Variants in CCM2L observed in about 807,000 individuals in gnomAD.
CCM2L encodes CCM2 like scaffold protein, also known as cerebral cavernous malformations 2 protein-like.
A neutral mutation model predicts 54.1 loss-of-function variants in CCM2L; 36 were observed. The ratio of observed to expected loss-of-function variants is 0.67; its 90% confidence interval spans 0.51 to 0.88. CCM2L has a LOEUF of 0.88. CCM2L is among the 40% of genes least tolerant of loss of function. The pLI is 0.00. For missense variants in CCM2L, 700 were observed against 812.1 expected (o/e 0.86, Z 1.68); for synonymous variants, 351 against 359.3 (o/e 0.98, Z 0.26).
At position 32,018,046 on chromosome 20, in the gene CCM2L, G is replaced by GCCCGCTC; in HGVS notation, c.352_353insCGCTCCC (p.Leu118ProfsTer11). 6.2e-7 allele frequency: 1 copy of GCCCGCTC among 1,613,776 alleles called. No individual in the cohort carries two copies. The highest frequency in any genetic ancestry group is 8.5e-7 in the Non-Finnish European group (1 of 1,179,990). The stretch of plus-strand genomic sequence containing the variant: ...AGCATCCTGAGCCTGTCTGCCCGCT[G>GCCCGCTC]CCTGCTGCTCACCTGGCGCGACAAT... On this transcript the variant is annotated frameshift_variant, in exon 4 of 10. Transcript: ENST00000452892. LOFTEE classifies it high-confidence loss of function.
rs181181701 is a variant in CCM2L, at chr20:32,026,909, A to T, written c.1133+990A>T. Among the ~76,000 whole-genome samples, 987 of 151,664 alleles carry T rather than the reference A, an allele frequency of 6.5e-3. 8 individuals carry two copies. The highest frequency in any genetic ancestry group is 0.015 in the South Asian group (72 of 4,778). ...AAAAAAAGAAAAATTCAGGCCAGTC[A>T]TGGTGGCTCACGCCTGTAATCCCAA... On this transcript the variant is annotated intron_variant, in intron 7 of 9. Transcript: ENST00000452892.
At position 32,028,816 on chromosome 20, in the gene CCM2L, A is replaced by T. The variant is rs1457595806; in HGVS notation, c.1134-179A>T. ...AAGGGGGGTGGGGGGCGCGAAGCACAAAGAGCAAAGGCAAAGGCAAGCACA... is the reference window on the plus strand; with the variant it reads ...AAGGGGGGTGGGGGGCGCGAAGCACTAAGAGCAAAGGCAAAGGCAAGCACA... On this transcript the variant is annotated intron_variant, in intron 7 of 9. Transcript: ENST00000452892. The T allele has an allele frequency of 6.8e-6, 5 of 736,660 alleles. No individual in the cohort carries two copies. In the African/African-American group the frequency reaches 8.9e-5, roughly 13 times the overall value. 45.6% of individuals were successfully genotyped at this position (736,660 alleles called of 1,614,324 possible).
chr20:32,028,548 C>CT (rs1291703380), intron 7 of CCM2L: 1 of 171,908 alleles, frequency 5.8e-6, no homozygotes, highest in Non-Finnish European at 1.3e-5. Flanking sequence ...AGAGAGGATG[C>CT]TTGGGGGTAC....
intron 8 of CCM2L, 42 bp from the exon 9 acceptor site, chr20:32,029,658 G>C (rs770426378): frequency 3.2e-6 from 5 of 1,562,450 alleles, no homozygotes; most frequent in East Asian, 2.3e-5. Flanking sequence ...GTTGGGTGGC[G>C]CTGCTTCCTG....
At chr20:32,029,865 T>C in intron 9 of CCM2L, 27 bp downstream of exon 9, 1 of 1,568,134 alleles carries the variant, frequency 6.4e-7, no homozygotes, top group Non-Finnish European at 8.7e-7. Flanking sequence ...CCCCCAGAGG[T>C]CAGCTAGGGC....
intron 2 of CCM2L, among the ~76,000 whole-genome samples, chr20:32,015,930 C>T (rs113308488): frequency 6.3e-4 from 93 of 147,554 alleles, no homozygotes; most frequent in African/African-American, 2.1e-3. Context: ...GATCTTGGCT[C>T]ACTGTAACCT....
chr20:32,022,779 A>G lies in CCM2L; in HGVS notation c.1053A>G (p.Pro351=). ...ACTACACATCCACACCTGAACGGCC[A>G]TGGCTCTGCAGCCGCAGTGAGTACC... ...GYHYTSTPER[P]WLCSRSESCH... The change falls in exon 6 of 10, where the codon CCA becomes CCG. Residue 351 remains proline, a synonymous_variant. Coordinates refer to ENST00000452892, the MANE Select transcript of CCM2L (RefSeq NM_001365692.1). The G allele has an allele frequency of 6.2e-7, 1 of 1,613,186 alleles. No homozygotes were observed. The highest frequency in any genetic ancestry group is 1.1e-5 in the South Asian group (1 of 91,032).
In CCM2L at chr20:32,022,764, C is replaced by A; in HGVS notation, c.1038C>A (p.Ser346=). The change falls in exon 6 of 10, where the codon TCC becomes TCA. Residue 346 remains serine (S), a synonymous_variant. Transcript: ENST00000452892. The part of the protein sequence containing the change: ...CVDRAGYHYT[S]TPERPWLCSR... ...ACCGGGCTGGCTACCACTACACATCCACACCTGAACGGCCATGGCTCTGCA... is the reference window on the plus strand; with the variant it reads ...ACCGGGCTGGCTACCACTACACATCAACACCTGAACGGCCATGGCTCTGCA... The A allele has an allele frequency of 6.2e-7, 1 of 1,613,416 alleles. No homozygotes were observed. Among genetic ancestry groups the A allele is most frequent in the Non-Finnish European group, 8.5e-7 (1 of 1,179,974 alleles).
chr20:32,010,439 G>C lies in CCM2L; in HGVS notation c.-16G>C, dbSNP rs1357289332. On this transcript the variant is annotated 5_prime_UTR_variant, in exon 1 of 10. Transcript: ENST00000452892. ...GATGGCCAGGAGGGTGGCAGGAGTA[G>C]AGGGGACATTTCACCATGGAATATG... 3.2e-5 allele frequency: 49 copies of C among 1,550,544 alleles called. No homozygotes were observed. The highest frequency in any genetic ancestry group is 3.8e-5 in the Non-Finnish European group (43 of 1,146,554).
rs2064755907 is a variant in CCM2L at position 32,018,080 on chromosome 20, C to A, written c.384C>A (p.Leu128=). Residue 128 remains leucine (L), a synonymous_variant, in exon 4 of 10, where the codon CTC becomes CTA. Transcript: ENST00000452892. ...TCACCTGGCGCGACAATGAAGAGCT[C>A]ATTCTGCGAATCCCTACGCACGAGA... The part of the protein sequence containing the change: ...LLLTWRDNEE[L]ILRIPTHEIA... 1 of 1,613,152 alleles carries A rather than the reference C, an allele frequency of 6.2e-7. No homozygotes were observed. The highest frequency in any genetic ancestry group is 8.5e-7 in the Non-Finnish European group (1 of 1,179,920).
intron 7 of CCM2L, among the ~76,000 whole-genome samples, chr20:32,026,314 G>A (rs984962608): frequency 1.3e-5 from 2 of 152,136 alleles, no homozygotes; most frequent in Non-Finnish European, 2.9e-5. Context: ...ATAAAATAGA[G>A]CAGCAATTCA....
chr20:32,013,687 C>G (rs1052587841), intron 1 of CCM2L, among the ~76,000 whole-genome samples: 10 of 152,082 alleles, frequency 6.6e-5, no homozygotes, highest in African/African-American at 2.4e-4. Flanking sequence ...TGGGCTCCAG[C>G]TCTCCTCCTG....
At chr20:32,022,409 G>A (rs2064812996) in intron 5 of CCM2L, among the ~76,000 whole-genome samples, 1 of 152,184 alleles carries the variant, frequency 6.6e-6, no homozygotes, top group Non-Finnish European at 1.5e-5. Context: ...CAGGAAGGCT[G>A]ATGAATCCTC....
rs1276892840 is a variant in CCM2L, at chr20:32,019,244, C to T, written c.768C>T (p.Gly256=). 5 of 1,183,006 alleles carry T rather than the reference C, an allele frequency of 4.2e-6. No homozygotes were observed. The African/African-American group carries it at 4.8e-5, about 11-fold the overall frequency. The allele number at this position is 1,183,006 out of a possible 1,614,324, so 73.3% of individuals were successfully genotyped here. A position where few individuals can be genotyped will look rare whatever the true frequency, so the allele number is the denominator to read the frequency against. The change falls in exon 5 of 10, where the codon GGC becomes GGT. Residue 256 remains glycine (G), a synonymous_variant. Coordinates refer to ENST00000452892, the MANE Select transcript of CCM2L (RefSeq NM_001365692.1). Reference sequence around the variant, plus strand: ...AGCGGCGGCACGGAGGCGGCGGCGGCGGCGGCGGCGCGGGAAAGCCGGGCG... The same window carrying T: ...AGCGGCGGCACGGAGGCGGCGGCGGTGGCGGCGGCGCGGGAAAGCCGGGCG... The part of the protein sequence containing the change: ...SWERRHGGGG[G]GGGAGKPGGS...
chr20:32,025,676 C>A (rs950138464), intron 6 of CCM2L, among the ~76,000 whole-genome samples, 180 bp from the exon 7 acceptor site: 1 of 152,072 alleles, frequency 6.6e-6, no homozygotes, highest in African/African-American at 2.4e-5. Context: ...GTGGTATTGT[C>A]CCCACATCGG....
Position 32,030,989 on chromosome 20 carries a change from C to G in CCM2L, c.1403-12C>G. ...CGTGTCCTGGGGACTCACCATGCCC[C>G]TCGGCTCGCAGGGATGCGGCCCTTC... On this transcript the variant is annotated splice_polypyrimidine_tract_variant and intron_variant, in intron 9 of 9. Coordinates refer to ENST00000452892, the MANE Select transcript of CCM2L (RefSeq NM_001365692.1). 7.7e-7 allele frequency: 1 copy of G among 1,303,952 alleles called. No individual in the cohort carries two copies. Among genetic ancestry groups the G allele is most frequent in the Non-Finnish European group, 1.0e-6 (1 of 988,856 alleles). 80.8% of individuals were successfully genotyped at this position (1,303,952 alleles called of 1,614,324 possible).
Position 32,029,816 on chromosome 20 carries a change from C to A in CCM2L, c.1380C>A (p.Asp460Glu). Residue 460 changes from aspartate (D) to glutamate (E), a missense_variant, in exon 9 of 10, where the codon GAC (aspartate) becomes GAA (glutamate). Coordinates refer to ENST00000452892, the MANE Select transcript of CCM2L (RefSeq NM_001365692.1). ...CAGGCCTGCTGAAGCTCTACGGAGA[C>A]CGGCGCAAGTTCCTCCTCCTTGGTG... is the stretch of plus-strand genomic sequence containing the variant. The part of the protein sequence containing the change: ...YCTGLLKLYG[D>E]RRKFLLLGMR... 1 of 1,606,618 alleles carries A rather than the reference C, an allele frequency of 6.2e-7. No homozygotes were observed. Among genetic ancestry groups the A allele is most frequent in the Non-Finnish European group, 8.5e-7 (1 of 1,175,536 alleles).
intron 1 of CCM2L, among the ~76,000 whole-genome samples, chr20:32,011,282 T>C (rs1224794014): frequency 6.6e-6 from 1 of 152,220 alleles, no homozygotes; most frequent in Non-Finnish European, 1.5e-5. Context: ...GTATTTCTTT[T>C]TTTAAAGCAA....
intron 6 of CCM2L, among the ~76,000 whole-genome samples, chr20:32,025,085 CT>C (rs1023967387): frequency 2.8e-5 from 4 of 141,412 alleles, no homozygotes; most frequent in African/African-American, 1.1e-4. Context: ...CTTTCTTTCT[CT>C]CTTTCTTTTC....
Sources: allele counts gnomAD v4.1 joint callset (sites outside exome capture counted in the v4.1 genomes callset), GRCh38; gene constraint gnomAD v4.1.1; transcripts MANE v1.5; gene names NCBI Gene and HGNC (gene_info 2026-07-23, HGNC 2026-07-21).